Variants in SKIL observed in about 807,000 individuals in gnomAD.
SKIL encodes SKI like proto-oncogene.
SKIL carries 20 observed loss-of-function variants against 69.6 expected under a neutral mutation model. The ratio of observed to expected loss-of-function variants is 0.29; its 90% CI spans 0.20 to 0.42. The LOEUF is 0.42. Among genes scored for constraint, SKIL ranks in the 10% least tolerant of loss-of-function variants. The probability of loss-of-function intolerance (pLI) is 1.00; values close to 1 mark genes in which losing one functional copy is unlikely to be tolerated. For missense variants in SKIL, 745 were observed against 783.1 expected, an observed-to-expected ratio of 0.95 and a Z score of 0.58; for synonymous variants, 310 against 279.9, an observed-to-expected ratio of 1.11 and a Z score of -1.08.
In SKIL at chr3:170,391,236, CAAAG is replaced by C. The variant is rs760187491; in HGVS notation, c.1874_1877del (p.Lys625ArgfsTer11). Reference sequence around the variant, plus strand: ...CCTGTGACTCAAATTTAGAAAAAGACAAAGAGGCTGAATATGCAGGACAGGTAAG... The same window carrying C: ...CCTGTGACTCAAATTTAGAAAAAGACAGGCTGAATATGCAGGACAGGTAAG... On this transcript the variant is annotated frameshift_variant, in exon 6 of 7. Transcript: ENST00000259119. LOFTEE classifies it high-confidence loss of function. The C allele has an allele frequency of 6.2e-7, 1 of 1,605,614 alleles. No individual in the cohort carries two copies. The highest frequency in any genetic ancestry group is 8.5e-7 in the Non-Finnish European group (1 of 1,173,488).
chr3:170,386,070 C>T (rs1173140641), intron 4 of SKIL, among the ~76,000 whole-genome samples: 2 of 145,296 alleles, frequency 1.4e-5, no homozygotes, highest in African/African-American at 2.5e-5. Context: ...TGCTGGGATT[C>T]CAGGCGTGAG....
At position 170,393,749 on chromosome 3, in the gene SKIL, GT is replaced by G. The variant is rs1163308196; in HGVS notation, c.*1337del. ...CCATGGATTTTATGGGATAATAAATGTTTTTCATGTTCTCTTATAAGATACT... is the reference window on the plus strand; with the variant it reads ...CCATGGATTTTATGGGATAATAAATGTTTTCATGTTCTCTTATAAGATACT... On this transcript the variant is annotated 3_prime_UTR_variant, in exon 7 of 7. Coordinates refer to ENST00000259119, the MANE Select transcript of SKIL (RefSeq NM_005414.5). 2 of 152,186 alleles carry G rather than the reference GT, an allele frequency of 1.3e-5. No individual in the cohort carries two copies. Among genetic ancestry groups the G allele is most frequent in the Non-Finnish European group, 2.9e-5 (2 of 67,976 alleles). 9.4% of individuals were successfully genotyped at this position (152,186 alleles called of 1,614,324 possible).
intron 2 of SKIL, among the ~76,000 whole-genome samples, chr3:170,377,960 C>A (rs969124507): frequency 3.3e-5 from 5 of 152,074 alleles, no homozygotes; most frequent in Admixed American, 6.6e-5. Flanking sequence ...ATGGCGCCGT[C>A]TCGGCTCACT....
At chr3:170,377,574 A>C (rs1200097657) in intron 2 of SKIL, among the ~76,000 whole-genome samples, 1 of 114,928 alleles carries the variant, frequency 8.7e-6, no homozygotes, top group Non-Finnish European at 1.7e-5. Context: ...TTTGAGACAG[A>C]GTCTCACTCT....
At chr3:170,389,317 T>C (rs1737794944) in intron 4 of SKIL, among the ~76,000 whole-genome samples, 1 of 140,222 alleles carries the variant, frequency 7.1e-6, no homozygotes, top group African/African-American at 2.6e-5. Flanking sequence ...TATTCTTTCC[T>C]TTTTTTTTTT....
At position 170,393,998 on chromosome 3, in the gene SKIL, C is replaced by T. The variant is rs1370920421; in HGVS notation, c.*1581C>T. 6.6e-6 allele frequency: 1 copy of T among 151,784 alleles called. No homozygotes were observed. The highest frequency in any genetic ancestry group is 1.5e-5 in the Non-Finnish European group (1 of 67,982). The allele number at this position is 151,784 out of a possible 1,614,324, so 9.4% of individuals were successfully genotyped here. On this transcript the variant is annotated 3_prime_UTR_variant, in exon 7 of 7. Transcript: ENST00000259119. ...ATTTATTTACTAAATTGAGTATAAC[C>T]TAAATGTGTGTTTTCTATTTTCCAT... is the stretch of plus-strand genomic sequence containing the variant.
intron 4 of SKIL, among the ~76,000 whole-genome samples, chr3:170,388,156 A>G (rs1308458922): frequency 6.6e-6 from 1 of 152,026 alleles, no homozygotes; most frequent in African/African-American, 2.4e-5. Flanking sequence ...CAAATTTTGC[A>G]TATCTTTGTC....
chr3:170,384,215 C>T (rs1257941951), intron 3 of SKIL, among the ~76,000 whole-genome samples: 2 of 152,060 alleles, frequency 1.3e-5, no homozygotes, highest in Non-Finnish European at 2.9e-5. Flanking sequence ...GTGGTCCCAG[C>T]TACCTGGGAT....
At chr3:170,371,449 A>G (rs1304471477) in intron 2 of SKIL, among the ~76,000 whole-genome samples, 5 of 152,166 alleles carry the variant, frequency 3.3e-5, no homozygotes, top group East Asian at 1.9e-4. Flanking sequence ...GGAGGTTGCA[A>G]TGAGCGGAGA....
At position 170,389,991 on chromosome 3, in the gene SKIL, C is replaced by G. The variant is rs1737829375; in HGVS notation, c.1430-232C>G. Among the ~76,000 whole-genome samples the G allele has an allele frequency of 6.6e-5, 10 of 152,256 alleles. No individual in the cohort carries two copies. In the South Asian group the frequency reaches 2.1e-3, roughly 32 times the overall value. On this transcript the variant is annotated intron_variant, in intron 4 of 6. Transcript: ENST00000259119. ...ACTGTCTTAACAATATTAAGTCTTC[C>G]AATCCATGAATTTGGGATGTCTTTC...
intron 4 of SKIL, among the ~76,000 whole-genome samples, chr3:170,388,453 T>C (rs1296685474): frequency 1.3e-5 from 2 of 152,108 alleles, no homozygotes; most frequent in Non-Finnish European, 2.9e-5. Context: ...TTCTTGTTAG[T>C]GTTCTTTTTT....
At position 170,363,471 on chromosome 3, in the gene SKIL, A is replaced by C. The variant is rs529507315; in HGVS notation, c.1098+2042A>C. Among the ~76,000 whole-genome samples, 9 of 152,030 alleles carry C rather than the reference A, an allele frequency of 5.9e-5. No homozygotes were observed. In the South Asian group the frequency reaches 1.9e-3, roughly 32 times the overall value. Reference sequence around the variant, plus strand: ...GCTGCTAGATAAGTTTATATTCTTCAGGTGTAGTTATTAACTGATTTTTTT... The same window carrying C: ...GCTGCTAGATAAGTTTATATTCTTCCGGTGTAGTTATTAACTGATTTTTTT... On this transcript the variant is annotated intron_variant, in intron 2 of 6. Coordinates refer to ENST00000259119, the MANE Select transcript of SKIL (RefSeq NM_005414.5).
Position 170,392,402 on chromosome 3 carries a change from G to C in SKIL, c.2040G>C (p.Lys680Asn). The C allele has an allele frequency of 6.2e-7, 1 of 1,608,726 alleles. No individual in the cohort carries two copies. The highest frequency in any genetic ancestry group is 8.5e-7 in the Non-Finnish European group (1 of 1,176,876). The stretch of plus-strand genomic sequence containing the variant: ...AGCTGCAAATTCTGAAATCATCAAA[G>C]ACTGCTAAAGAATAGAAACTGTTAA... ...ELKLQILKSS[K>N]TAKE Residue 680 changes from lysine (K) to asparagine (N), a missense_variant, in exon 7 of 7, where the codon AAG becomes AAC. Transcript: ENST00000259119.
At chr3:170,376,726 T>G (rs1306692303) in intron 2 of SKIL, among the ~76,000 whole-genome samples, 1 of 152,012 alleles carries the variant, frequency 6.6e-6, no homozygotes, top group Admixed American at 6.6e-5. Flanking sequence ...CAGGCACACA[T>G]CACCTTGCCT....
Position 170,395,081 on chromosome 3 carries a change from T to C in SKIL, c.*2664T>C, listed in dbSNP as rs1260171227. ...TAAAGGGACAACCTATAAAAAGTTT[T>C]GCTAGCTCATCTTTAGAAGGAAGAA... On this transcript the variant is annotated 3_prime_UTR_variant, in exon 7 of 7. Transcript: ENST00000259119. 2 of 152,204 alleles carry C rather than the reference T, an allele frequency of 1.3e-5. No individual in the cohort carries two copies. Among genetic ancestry groups the C allele is most frequent in the African/African-American group, 4.8e-5 (2 of 41,466 alleles). 9.4% of individuals were successfully genotyped at this position (152,204 alleles called of 1,614,324 possible).
At chr3:170,386,642 A>AT (rs148721447) in intron 4 of SKIL, among the ~76,000 whole-genome samples, 15 of 149,940 alleles carry the variant, frequency 1.0e-4, no homozygotes, top group Non-Finnish European at 3.0e-5. Flanking sequence ...TCATTTTTTC[A>AT]TTTTTTTTGT....
In SKIL at chr3:170,377,597, G is replaced by A. The variant is rs1339058339; in HGVS notation, c.1099-3647G>A. Among the ~76,000 whole-genome samples the A allele has an allele frequency of 6.4e-5, 8 of 125,596 alleles. No individual in the cohort carries two copies. The Admixed American group carries it at 8.0e-4, about 13-fold the overall frequency. The allele number at this position is 125,596 out of a possible 152,430, so 82.4% of individuals were successfully genotyped here. ...AGAGTCTCACTCTGTCACCCAGGCT[G>A]GAGTGCAGTGGCACGATCTCGGCTC... is the stretch of plus-strand genomic sequence containing the variant. On this transcript the variant is annotated intron_variant, in intron 2 of 6. Transcript: ENST00000259119.
chr3:170,389,920 T>G (rs1737825821), intron 4 of SKIL, among the ~76,000 whole-genome samples: 1 of 152,204 alleles, frequency 6.6e-6, no homozygotes, highest in African/African-American at 2.4e-5. Flanking sequence ...CCAGTGGGGA[T>G]TTTGATAGGG....
intron 4 of SKIL, 36 bp from the exon 5 acceptor site, chr3:170,390,187 A>T: frequency 6.7e-7 from 1 of 1,494,318 alleles, no homozygotes; most frequent in African/African-American, 1.4e-5. Flanking sequence ...ATGGAGTGAT[A>T]TTCATACTTT....
Sources: allele counts gnomAD v4.1 joint callset (sites outside exome capture counted in the v4.1 genomes callset), GRCh38; gene constraint gnomAD v4.1.1; transcripts MANE v1.5; gene names NCBI Gene and HGNC (gene_info 2026-07-23, HGNC 2026-07-21).